Variants in TMEM135 observed in about 807,000 individuals in gnomAD.
TMEM135 encodes the protein peroxisomal membrane protein 52.
In TMEM135, 30 loss-of-function variants were observed where a neutral mutation model predicts 60.3. The ratio of observed to expected loss-of-function variants is 0.50; its 90% CI spans 0.37 to 0.68. TMEM135 has a LOEUF of 0.68. TMEM135 is among the 30% of genes least tolerant of loss of function. The pLI is 0.00. For missense variants in TMEM135, 468 were observed against 548.8 expected, an observed-to-expected ratio of 0.85 and a Z score of 1.47; for synonymous variants, 190 against 186.7, an observed-to-expected ratio of 1.02 and a Z score of -0.14.
intron 5 of TMEM135, among the ~76,000 whole-genome samples, chr11:87,174,550 A>G (rs1274784062): frequency 6.6e-6 from 1 of 152,180 alleles, no homozygotes; most frequent in Admixed American, 6.6e-5. Context: ...GTTAAAAAGC[A>G]TGTGGGGAGA....
At chr11:87,078,211 G>C (rs1206722786) in intron 3 of TMEM135, among the ~76,000 whole-genome samples, 1 of 152,094 alleles carries the variant, frequency 6.6e-6, no homozygotes, top group African/African-American at 2.4e-5. Flanking sequence ...GTATATAAAG[G>C]GTCCAATTTC....
chr11:87,255,685 T>TA (rs1174341319), intron 6 of TMEM135, among the ~76,000 whole-genome samples: 14 of 152,040 alleles, frequency 9.2e-5, no homozygotes, highest in African/African-American at 3.4e-4. Flanking sequence ...ACAAGCAATT[T>TA]AAAAAATTAT....
rs1857884211 is a variant in TMEM135 at position 87,116,563 on chromosome 11, G to A, written c.396+25168G>A. ...GCATTTAAATTAGCTGTCTTAATAG[G>A]ATTGGTATAAATTGATTAATATCTA... On this transcript the variant is annotated intron_variant, in intron 4 of 14. Transcript: ENST00000305494. Among the ~76,000 whole-genome samples the A allele has an allele frequency of 2.4e-5, 3 of 127,360 alleles. No homozygotes were observed. In the South Asian group the frequency reaches 7.7e-4, roughly 33 times the overall value. 83.6% of individuals were successfully genotyped at this position (127,360 alleles called of 152,430 possible).
intron 4 of TMEM135, 70 bp from the exon 5 acceptor site, chr11:87,157,271 G>T: frequency 1.5e-6 from 2 of 1,361,974 alleles, no homozygotes; most frequent in South Asian, 1.2e-5. Flanking sequence ...CACATTTAGG[G>T]TGTGGGATAT....
At chr11:87,123,913 A>G (rs1937647605) in intron 4 of TMEM135, among the ~76,000 whole-genome samples, 1 of 152,204 alleles carries the variant, frequency 6.6e-6, no homozygotes, top group South Asian at 2.1e-4. Flanking sequence ...ACATTATTAA[A>G]TTTACTTGCT....
intron 6 of TMEM135, among the ~76,000 whole-genome samples, chr11:87,257,367 T>C (rs190552092): frequency 6.6e-5 from 10 of 152,312 alleles, no homozygotes; most frequent in Middle Eastern, 3.4e-3. Flanking sequence ...TTTGTTTAAG[T>C]TCTGTGTCGG....
At chr11:87,236,540 T>C in intron 5 of TMEM135, 98 bp from the exon 6 acceptor site, 2 of 999,024 alleles carry the variant, frequency 2.0e-6, no homozygotes, top group Non-Finnish European at 3.2e-6. Flanking sequence ...CCTTTTATTG[T>C]TTCAGGCACA....
At chr11:87,200,821 C>G (rs1398558497) in intron 5 of TMEM135, among the ~76,000 whole-genome samples, 2 of 152,124 alleles carry the variant, frequency 1.3e-5, no homozygotes. Context: ...TTTTCACTGT[C>G]TTCATATTTT....
chr11:87,246,080 G>A (rs1941261988), intron 6 of TMEM135, among the ~76,000 whole-genome samples: 1 of 142,240 alleles, frequency 7.0e-6, no homozygotes, highest in African/African-American at 2.6e-5. Flanking sequence ...TTGCTTGTCT[G>A]TAAAGTATTT....
intron 6 of TMEM135, among the ~76,000 whole-genome samples, chr11:87,240,266 G>T (rs1452372039): frequency 6.6e-6 from 1 of 151,898 alleles, no homozygotes; most frequent in African/African-American, 2.4e-5. Flanking sequence ...ATCTTAGTGG[G>T]CATTCTTCAT....
intron 2 of TMEM135, among the ~76,000 whole-genome samples, chr11:87,069,963 T>A (rs2513238): frequency 6.6e-6 from 1 of 151,374 alleles, no homozygotes; most frequent in Non-Finnish European, 1.5e-5. Context: ...CTTGAGGCTG[T>A]CAGTTCGAGG....
rs1423052841 is a variant in TMEM135 at position 87,323,637 on chromosome 11, G to T, written c.*2304G>T. On this transcript the variant is annotated 3_prime_UTR_variant, in exon 15 of 15. Coordinates refer to ENST00000305494, the MANE Select transcript of TMEM135 (RefSeq NM_022918.4). The stretch of plus-strand genomic sequence containing the variant: ...TTAGTCTTTCTGACATTTTTATATA[G>T]ATTGAGATTGAAAAACCGTGCATTT... 3 of 453,682 alleles carry T rather than the reference G, an allele frequency of 6.6e-6. No homozygotes were observed. The allele number at this position is 453,682 out of a possible 1,614,324, so 28.1% of individuals were successfully genotyped here.
At chr11:87,223,709 G>A (rs1940700553) in intron 5 of TMEM135, among the ~76,000 whole-genome samples, 1 of 148,126 alleles carries the variant, frequency 6.8e-6, no homozygotes, top group African/African-American at 2.6e-5. Flanking sequence ...AATTAGCTGG[G>A]TGTGGTTGTG....
intron 6 of TMEM135, among the ~76,000 whole-genome samples, chr11:87,249,832 G>A (rs1941374612): frequency 6.6e-6 from 1 of 152,132 alleles, no homozygotes; most frequent in African/African-American, 2.4e-5. Context: ...CTCATAGAAT[G>A]AGTTTGGAAG....
At chr11:87,155,062 G>T (rs570258270) in intron 4 of TMEM135, among the ~76,000 whole-genome samples, 1 of 109,558 alleles carries the variant, frequency 9.1e-6, no homozygotes, top group African/African-American at 3.4e-5. Flanking sequence ...GCAGTGGTGC[G>T]ATCTTGGCTC....
rs1939246158 is a variant in TMEM135 at position 87,171,872 on chromosome 11, G to T, written c.462+14466G>T. Among the ~76,000 whole-genome samples the T allele has an allele frequency of 2.0e-5, 3 of 152,220 alleles. No homozygotes were observed. In the South Asian group the frequency reaches 6.2e-4, roughly 32 times the overall value. ...AGCACACAACCTAGATCCCTCCCAT[G>T]TGCAGTTCAAAATAGGGTTCACACT... On this transcript the variant is annotated intron_variant, in intron 5 of 14. Coordinates refer to ENST00000305494, the MANE Select transcript of TMEM135 (RefSeq NM_022918.4).
At chr11:87,150,370 T>C (rs1018125622) in intron 4 of TMEM135, among the ~76,000 whole-genome samples, 1 of 152,182 alleles carries the variant, frequency 6.6e-6, no homozygotes, top group African/African-American at 2.4e-5. Context: ...GTTGCTTCGT[T>C]GTATCTAAAT....
At chr11:87,131,353 C>T (rs1194925307) in intron 4 of TMEM135, among the ~76,000 whole-genome samples, 1 of 52,596 alleles carries the variant, frequency 1.9e-5, no homozygotes, top group Non-Finnish European at 4.2e-5. Context: ...TCCCTTGCAG[C>T]CACTTTTTAC....
chr11:87,325,185 T>G lies in TMEM135; in HGVS notation c.*3852T>G, dbSNP rs974616762. 8.8e-6 allele frequency: 4 copies of G among 453,894 alleles called. No individual in the cohort carries two copies. The highest frequency in any genetic ancestry group is 1.8e-5 in the Non-Finnish European group (4 of 226,772). The allele number at this position is 453,894 out of a possible 1,614,324, so 28.1% of individuals were successfully genotyped here. ...GGGCTTTGTAGTACTATGTTTCTGT[T>G]TAAAGTAGTGGCCTCAGGTGACTTT... On this transcript the variant is annotated 3_prime_UTR_variant, in exon 15 of 15. Coordinates refer to ENST00000305494, the MANE Select transcript of TMEM135 (RefSeq NM_022918.4).
Sources: allele counts gnomAD v4.1 joint callset (sites outside exome capture counted in the v4.1 genomes callset), GRCh38; gene constraint gnomAD v4.1.1; transcripts MANE v1.5; gene names NCBI Gene and HGNC (gene_info 2026-07-23, HGNC 2026-07-21).